Variants in ZNF827 observed in about 807,000 individuals in gnomAD.
ZNF827 encodes zinc finger protein 827.
Under a neutral mutation model 102.4 loss-of-function variants are expected in ZNF827, and 13 were observed. That is an observed-to-expected ratio of 0.13 (90% CI 0.08 to 0.20). The LOEUF (loss-of-function observed/expected upper bound fraction) is 0.20, where lower values mean the gene tolerates loss of function less well. ZNF827 is among the 10% of genes least tolerant of loss of function. ZNF827 has a pLI of 1.00. For missense variants in ZNF827, 1,103 were observed against 1,344.4 expected (o/e 0.82, Z 2.81); for synonymous variants, 523 against 536.2 (o/e 0.98, Z 0.34).
intron 4 of ZNF827, among the ~76,000 whole-genome samples, chr4:145,881,926 G>A (rs373221974): frequency 8.5e-4 from 129 of 152,326 alleles, no homozygotes; most frequent in Middle Eastern, 3.4e-3. Context: ...AGCCCTGGCT[G>A]CACACTAAAA....
chr4:145,767,674 C>T (rs1735518383), intron 11 of ZNF827, among the ~76,000 whole-genome samples: 1 of 152,196 alleles, frequency 6.6e-6, no homozygotes, highest in African/African-American at 2.4e-5. Flanking sequence ...GGATTTCTCA[C>T]TGGACACTAT....
At chr4:145,885,610 CAG>C (rs200461563) in intron 4 of ZNF827, 66 bp downstream of exon 4, 60,363 of 1,159,604 alleles carry the variant, frequency 0.052, 1,080 homozygotes, top group African/African-American at 0.095. Context: ...TAGACAGAGA[CAG>C]AGAGAGAGAG....
At chr4:145,861,328 G>A (rs966680301) in intron 5 of ZNF827, among the ~76,000 whole-genome samples, 2 of 152,108 alleles carry the variant, frequency 1.3e-5, no homozygotes, top group South Asian at 2.1e-4. Context: ...CCAAAAGGCC[G>A]CTGGGAGGAA....
chr4:145,898,145 A>G (rs1018078307), intron 2 of ZNF827, among the ~76,000 whole-genome samples: 1 of 152,218 alleles, frequency 6.6e-6, no homozygotes, highest in Admixed American at 6.5e-5. Context: ...ATAGAGCCAG[A>G]CGCTGTCACA....
chr4:145,902,273 G>A lies in ZNF827; in HGVS notation c.986C>T (p.Pro329Leu), dbSNP rs1460817550. Reference sequence around the variant, plus strand: ...TGGTGGAGGTGGCGGTGGAGGTGGCGGAGTGACTTTTTCTGGTTTCTTCTC... The same window carrying A: ...TGGTGGAGGTGGCGGTGGAGGTGGCAGAGTGACTTTTTCTGGTTTCTTCTC... ...PSEKKPEKVT[P>L]PPPPPPPPPP... Residue 329 changes from proline to leucine, a missense_variant, in exon 2 of 15, where the codon CCG (proline) becomes CTG (leucine). This residue lies in a region of ZNF827 where 441 missense variants were observed against 458.6 expected (regional missense o/e 0.96). Transcript: ENST00000508784. The surrounding 1 kb of genome is among the most constrained non-coding windows in gnomAD (Gnocchi z 4.3). The A allele has an allele frequency of 1.4e-5, 22 of 1,590,100 alleles. No homozygotes were observed. Among genetic ancestry groups the A allele is most frequent in the East Asian group, 4.5e-5 (2 of 44,840 alleles).
At chr4:145,904,458 T>A (rs1208649814) in intron 1 of ZNF827, among the ~76,000 whole-genome samples, 1 of 151,978 alleles carries the variant, frequency 6.6e-6, no homozygotes, top group Non-Finnish European at 1.5e-5. Flanking sequence ...GAGCTGCAAT[T>A]TTAAACAGGT....
At chr4:145,770,290 C>A (rs1019970096) in intron 11 of ZNF827, among the ~76,000 whole-genome samples, 6 of 149,308 alleles carry the variant, frequency 4.0e-5, no homozygotes, top group Admixed American at 1.3e-4. Flanking sequence ...CAGAGTGAGA[C>A]CCTGTCTTAA....
In ZNF827 at chr4:145,765,089, G is replaced by C; in HGVS notation, c.3129C>G (p.Ile1043Met). 1 of 1,614,212 alleles carries C rather than the reference G, an allele frequency of 6.2e-7. No homozygotes were observed. Among genetic ancestry groups the C allele is most frequent in the Non-Finnish European group, 8.5e-7 (1 of 1,180,034 alleles). Reference sequence around the variant, plus strand: ...ACACATCACACTCAAACATCCGGGTGATGAGGTGTATCTGCAGATGACGCT... The same window carrying C: ...ACACATCACACTCAAACATCCGGGTCATGAGGTGTATCTGCAGATGACGCT... ...MFERHLQIHL[I>M]TRMFECDVCH... The change falls in exon 13 of 15, where the codon ATC becomes ATG. Residue 1043 changes from isoleucine (I) to methionine (M), a missense_variant. Ile to Met is a conservative substitution (Grantham distance 10, BLOSUM62 1). Around this residue, in one of 5 missense-constraint regions of ZNF827, gnomAD observed 242 missense variants for 361.9 expected, o/e 0.67. Transcript: ENST00000508784. The surrounding 1 kb of genome is among the most constrained non-coding windows in gnomAD (Gnocchi z 4.7).
At chr4:145,871,107 T>C (rs1323276448) in intron 4 of ZNF827, among the ~76,000 whole-genome samples, 2 of 149,236 alleles carry the variant, frequency 1.3e-5, no homozygotes, top group African/African-American at 4.9e-5. Context: ...AAAATGGCCT[T>C]TTTTTTTTTA....
chr4:145,773,188 C>G (rs552358603), intron 11 of ZNF827, among the ~76,000 whole-genome samples: 1 of 152,312 alleles, frequency 6.6e-6, no homozygotes, highest in Admixed American at 6.5e-5. Flanking sequence ...TCCAGAAATG[C>G]TGAATTTAAT....
intron 8 of ZNF827, among the ~76,000 whole-genome samples, chr4:145,796,858 TG>T (rs1740438152): frequency 6.6e-6 from 1 of 152,186 alleles, no homozygotes; most frequent in African/African-American, 2.4e-5. Context: ...CTTGAAATCC[TG>T]ATCTCAGGTG....
chr4:145,902,248 T>TGGTGGAGGTGGC lies in ZNF827; in HGVS notation c.999_1010dup (p.Pro340_Pro343dup), dbSNP rs761894815. 17 of 1,541,526 alleles carry TGGTGGAGGTGGC rather than the reference T, an allele frequency of 1.1e-5. No individual in the cohort carries two copies. Among genetic ancestry groups the TGGTGGAGGTGGC allele is most frequent in the Non-Finnish European group, 1.4e-5 (16 of 1,130,252 alleles). On this transcript the variant is annotated inframe_insertion, in exon 2 of 15. Coordinates refer to ENST00000508784, the MANE Select transcript of ZNF827 (RefSeq NM_001306215.2). This position sits in a 1 kb window ranked among gnomAD's most constrained non-coding sequence, Gnocchi z 4.3. ...GGGATTGTGGTGGTGGTGGTGGAGG[T>TGGTGGAGGTGGC]GGTGGAGGTGGCGGTGGAGGTGGCG... is the stretch of plus-strand genomic sequence containing the variant.
At chr4:145,901,642 T>A (rs1751427336) in intron 2 of ZNF827, among the ~76,000 whole-genome samples, 1 of 152,206 alleles carries the variant, frequency 6.6e-6, no homozygotes, top group Admixed American at 6.5e-5. Context: ...GGGCTTAAAT[T>A]CCACAAAAAG....
chr4:145,775,762 G>T, intron 10 of ZNF827, 27 bp downstream of exon 10: 2 of 1,613,314 alleles, frequency 1.2e-6, no homozygotes, highest in South Asian at 1.1e-5. Flanking sequence ...GAGAAAGGCG[G>T]ACTAGCATGT....
In ZNF827 at chr4:145,792,460, C is replaced by A. The variant is rs545086944; in HGVS notation, c.2384-12949G>T. On this transcript the variant is annotated intron_variant, in intron 8 of 14. Coordinates refer to ENST00000508784, the MANE Select transcript of ZNF827 (RefSeq NM_001306215.2). ...TCTAAGCTACTTCTGTTTGTCATTT[C>A]AGGATTGAGAAATGGACTTTTGGCT... 2.0e-5 allele frequency among the ~76,000 whole-genome samples: 3 copies of A among 151,968 alleles called. No individual in the cohort carries two copies. The East Asian group carries it at 5.8e-4, about 29-fold the overall frequency.
chr4:145,804,612 AGGTG>A, intron 8 of ZNF827, among the ~76,000 whole-genome samples: 1 of 152,244 alleles, frequency 6.6e-6, no homozygotes, highest in Admixed American at 6.5e-5. Flanking sequence ...TATTGAAGGT[AGGTG>A]GGAACTGGTA....
At chr4:145,926,853 C>A (rs1462559372) in intron 1 of ZNF827, among the ~76,000 whole-genome samples, 2 of 151,594 alleles carry the variant, frequency 1.3e-5, no homozygotes, top group African/African-American at 4.9e-5. Flanking sequence ...CACCTATCAA[C>A]AAGTATGTGA....
At chr4:145,835,660 C>A (rs1358843031) in intron 7 of ZNF827, among the ~76,000 whole-genome samples, 1 of 148,226 alleles carries the variant, frequency 6.7e-6, no homozygotes, top group African/African-American at 2.5e-5. Context: ...TACCTCTACT[C>A]CCTCCTTGGC....
chr4:145,915,799 C>T (rs1279702543), intron 1 of ZNF827, among the ~76,000 whole-genome samples: 2 of 152,152 alleles, frequency 1.3e-5, no homozygotes, highest in African/African-American at 4.8e-5. Flanking sequence ...CATCCTGAGA[C>T]AAATTTCCCT....
Sources: gnomAD v4.1 joint callset for allele counts (sites outside exome capture counted in the v4.1 genomes callset) on GRCh38, gnomAD v4.1.1 for gene constraint, gnomAD v4.1.1 regional missense constraint, Gnocchi (gnomAD v3.1) non-coding constraint, MANE v1.5 for transcripts, NCBI Gene and HGNC (gene_info 2026-07-23, HGNC 2026-07-21) for gene names.